Variants in ANKMY1 observed in about 807,000 individuals in gnomAD.
The protein encoded by ANKMY1 is ankyrin repeat and MYND domain-containing protein 1.
A neutral mutation model predicts 102.0 loss-of-function variants in ANKMY1; 98 were observed. The observed-to-expected ratio is 0.96, with a 90% CI of 0.82 to 1.14. The LOEUF (loss-of-function observed/expected upper bound fraction) is 1.14. ANKMY1 is among the 50% of genes most tolerant of loss of function. ANKMY1 has a pLI of 0.00. For synonymous variants in ANKMY1, 582 were observed against 559.9 expected, an observed-to-expected ratio of 1.04 and a Z score of -0.56; for missense variants, 1,330 against 1,347.6, an observed-to-expected ratio of 0.99 and a Z score of 0.20.
intron 13 of ANKMY1, among the ~76,000 whole-genome samples, chr2:240,501,631 G>A (rs66807233): frequency 0.16 from 23,857 of 152,244 alleles, 2,486 homozygotes; most frequent in African/African-American, 0.28. Context: ...TGTGACATGC[G>A]TAACACACAT....
At position 240,503,332 on chromosome 2, in the gene ANKMY1, C is replaced by T. The variant is rs1455115826; in HGVS notation, c.2527-2767G>A. ...AATGTTCGTGAGAAGAGGATTTTGT[C>T]CCCCTGGAGGGGACTTTCTGAAGGT... On this transcript the variant is annotated intron_variant, in intron 13 of 17. Transcript: ENST00000401804. 2.0e-5 allele frequency among the ~76,000 whole-genome samples: 3 copies of T among 152,294 alleles called. No individual in the cohort carries two copies. The East Asian group carries it at 5.8e-4, about 29-fold the overall frequency.
chr2:240,485,786 T>C (rs1395043966), intron 15 of ANKMY1, among the ~76,000 whole-genome samples: 1 of 151,952 alleles, frequency 6.6e-6, no homozygotes, highest in African/African-American at 2.4e-5. Flanking sequence ...AGAGACAGGG[T>C]CTTGCCATGT....
chr2:240,544,230 G>A (rs533144046), intron 4 of ANKMY1, among the ~76,000 whole-genome samples: 148 of 152,110 alleles, frequency 9.7e-4, no homozygotes, highest in African/African-American at 3.4e-3. Flanking sequence ...AATCTTGTGC[G>A]GTAAATTTTT....
intron 15 of ANKMY1, among the ~76,000 whole-genome samples, chr2:240,487,458 C>A (rs1266806200): frequency 6.6e-6 from 1 of 152,164 alleles, no homozygotes; most frequent in Non-Finnish European, 1.5e-5. Flanking sequence ...AGTGCAGATA[C>A]TCCTTTGATA....
chr2:240,477,683 A>T (rs963987825), downstream of ANKMY1, among the ~76,000 whole-genome samples: 6 of 152,160 alleles, frequency 3.9e-5, no homozygotes, highest in East Asian at 1.2e-3. Flanking sequence ...CACCTCCCCC[A>T]GTTATTTTTA....
rs1265727504 is a variant in ANKMY1, at chr2:240,525,707, T to A, written c.1313A>T (p.Glu438Val). The A allele has an allele frequency of 1.9e-6, 3 of 1,613,932 alleles. No individual in the cohort carries two copies. The highest frequency in any genetic ancestry group is 1.7e-5 in the Admixed American group (1 of 59,980). ...PAQSFKPNVA[E>V]RTIPEPQEPP... is the part of the protein sequence containing the mutation. ...TACCTGGGGCTCAGGTATGGTCCGT[T>A]CAGCAACATTGGGCTTGAAGGACTG... The change falls in exon 7 of 18, where the codon GAA (glutamate) becomes GTA (valine). Residue 438 changes from glutamate to valine, a missense_variant. Transcript: ENST00000401804.
At chr2:240,556,896 G>A (rs2092405901) in intron 2 of ANKMY1, among the ~76,000 whole-genome samples, 1 of 152,208 alleles carries the variant, frequency 6.6e-6, no homozygotes, top group Admixed American at 6.5e-5. Context: ...TGAAGATGGA[G>A]ACAGCTTGGG....
chr2:240,544,971 A>G (rs570875669), intron 4 of ANKMY1, among the ~76,000 whole-genome samples: 6 of 152,362 alleles, frequency 3.9e-5, no homozygotes, highest in Admixed American at 1.3e-4. Context: ...TAGGTAAACA[A>G]AGCAGCCGGG....
the ANKMY1 span, among the ~76,000 whole-genome samples, chr2:240,470,809 G>GA: frequency 6.6e-6 from 1 of 152,140 alleles, no homozygotes; most frequent in Non-Finnish European, 1.5e-5. Flanking sequence ...TTGAAATTCT[G>GA]GAAAAAGTCA....
At chr2:240,493,962 A>T (rs976565014) in intron 15 of ANKMY1, among the ~76,000 whole-genome samples, 1 of 152,168 alleles carries the variant, frequency 6.6e-6, no homozygotes, top group African/African-American at 2.4e-5. Flanking sequence ...GGTCCCAAAC[A>T]GTGTGTACTG....
intron 15 of ANKMY1, among the ~76,000 whole-genome samples, chr2:240,490,489 T>C (rs1042809364): frequency 1.3e-5 from 2 of 152,184 alleles, no homozygotes; most frequent in African/African-American, 4.8e-5. Flanking sequence ...GTTTCAATAC[T>C]TTTTTATTTC....
At chr2:240,524,531 T>G in intron 7 of ANKMY1, 150 bp from the exon 8 acceptor site, 1 of 896,370 alleles carries the variant, frequency 1.1e-6, no homozygotes, top group Non-Finnish European at 1.6e-6. Flanking sequence ...CCCCAAACCC[T>G]CAAAGAGAAA....
chr2:240,469,533 C>T, the ANKMY1 span, among the ~76,000 whole-genome samples: 1 of 152,362 alleles, frequency 6.6e-6, no homozygotes, highest in African/African-American at 2.4e-5. Flanking sequence ...CCTTGAGCAG[C>T]TCAGCCCAGC....
At position 240,511,870 on chromosome 2, in the gene ANKMY1, A is replaced by C; in HGVS notation, c.2277T>G (p.Asp759Glu). Residue 759 changes from aspartate (D) to glutamate (E), a missense_variant, in exon 11 of 18, where the codon GAT becomes GAG. Asp to Glu is a conservative substitution (Grantham distance 45, BLOSUM62 2). Coordinates refer to ENST00000401804, the MANE Select transcript of ANKMY1 (RefSeq NM_001282771.3). ...CCCTGGCTGCCCTCACCTTGTTGTCATCCTCCCGCTCGCAGGCCATGTGCA... is the reference window on the plus strand; with the variant it reads ...CCCTGGCTGCCCTCACCTTGTTGTCCTCCTCCCGCTCGCAGGCCATGTGCA... ...TALHMACERE[D>E]DNKCARDIVR... The C allele has an allele frequency of 6.3e-7, 1 of 1,588,130 alleles. No homozygotes were observed. Among genetic ancestry groups the C allele is most frequent in the South Asian group, 1.1e-5 (1 of 90,462 alleles).
intron 15 of ANKMY1, among the ~76,000 whole-genome samples, chr2:240,485,835 C>A (rs936973415): frequency 6.6e-6 from 1 of 152,156 alleles, no homozygotes; most frequent in Non-Finnish European, 1.5e-5. Context: ...TCAAATAATT[C>A]TTCTGCCTTA....
downstream of ANKMY1, among the ~76,000 whole-genome samples, chr2:240,476,993 C>G (rs970495374): frequency 6.6e-6 from 1 of 152,216 alleles, no homozygotes; most frequent in Non-Finnish European, 1.5e-5. Flanking sequence ...GAGTTCCCAT[C>G]CATCAGGAAG....
At chr2:240,482,423 G>A (rs909325262) in intron 15 of ANKMY1, among the ~76,000 whole-genome samples, 162 bp from the exon 16 acceptor site, 24 of 152,368 alleles carry the variant, frequency 1.6e-4, no homozygotes, top group African/African-American at 5.0e-4. Flanking sequence ...GTGCGAGGAC[G>A]CAGAGCGGGA....
chr2:240,544,921 G>C (rs1343729417), intron 4 of ANKMY1, among the ~76,000 whole-genome samples: 1 of 152,140 alleles, frequency 6.6e-6, no homozygotes, highest in South Asian at 2.1e-4. Context: ...AGGCGGCAGC[G>C]AGGCTGGGGG....
chr2:240,519,913 T>C, intron 9 of ANKMY1: 1 of 264,064 alleles, frequency 3.8e-6, no homozygotes, highest in Admixed American at 4.7e-5. Context: ...CCTTCGAAGA[T>C]TTTTTCTCAG....
Sources: gnomAD v4.1 joint callset for allele counts (sites outside exome capture counted in the v4.1 genomes callset) on GRCh38, gnomAD v4.1.1 for gene constraint, MANE v1.5 for transcripts, NCBI Gene and HGNC (gene_info 2026-07-23, HGNC 2026-07-21) for gene names.